Variants in DGKI observed in about 807,000 individuals in gnomAD.
DGKI encodes the protein DAG kinase iota.
DGKI carries 55 observed loss-of-function variants against 147.5 expected under a neutral mutation model. The ratio of observed to expected loss-of-function variants is 0.37; its 90% CI spans 0.30 to 0.47. The LOEUF is 0.47. DGKI is among the 20% of genes least tolerant of loss of function. The probability of loss-of-function intolerance (pLI) is 1.00; values close to 1 mark genes in which losing one functional copy is unlikely to be tolerated. For synonymous variants in DGKI, 469 were observed against 477.1 expected (o/e 0.98, Z 0.22); for missense variants, 1,007 against 1,323.8 (o/e 0.76, Z 3.71).
In DGKI at chr7:137,464,804, T is replaced by C. The variant is rs147936748; in HGVS notation, c.2612+1104A>G. On this transcript the variant is annotated intron_variant, in intron 26 of 32. Coordinates refer to ENST00000614521, the MANE Select transcript of DGKI (RefSeq NM_001321708.2). ...TTGCAGTTGTGCTAGCCTAGTGGAC[T>C]GTTTATTCATACTGTATGAGTCTGT... 8.5e-4 allele frequency among the ~76,000 whole-genome samples: 130 copies of C among 152,362 alleles called. 1 individual carries two copies. Among genetic ancestry groups the C allele is most frequent in the African/African-American group, 3.0e-3 (126 of 41,590 alleles).
intron 1 of DGKI, among the ~76,000 whole-genome samples, chr7:137,817,322 C>A (rs900469041): frequency 1.4e-4 from 21 of 152,144 alleles, no homozygotes; most frequent in Non-Finnish European, 1.0e-4. Flanking sequence ...AGGTGCTTGA[C>A]ACATACTCGG....
rs905516033 is a variant in DGKI, at chr7:137,745,305, G to A, written c.402-55303C>T. Among the ~76,000 whole-genome samples the A allele has an allele frequency of 3.3e-5, 5 of 152,120 alleles. 1 individual carries two copies. In the South Asian group the frequency reaches 1.0e-3, roughly 31 times the overall value. Reference sequence around the variant, plus strand: ...CTCTCTCCTCCTTGGGGAAGACTACGTCCAAAGAAATCACCCAGTATAAAA... The same window carrying A: ...CTCTCTCCTCCTTGGGGAAGACTACATCCAAAGAAATCACCCAGTATAAAA... On this transcript the variant is annotated intron_variant, in intron 1 of 32. Coordinates refer to ENST00000614521, the MANE Select transcript of DGKI (RefSeq NM_001321708.2).
intron 1 of DGKI, among the ~76,000 whole-genome samples, chr7:137,817,354 A>G (rs1378639519): frequency 6.6e-6 from 1 of 152,244 alleles, no homozygotes; most frequent in Non-Finnish European, 1.5e-5. Flanking sequence ...TATTTATTGA[A>G]TGAATTAACT....
intron 23 of DGKI, among the ~76,000 whole-genome samples, chr7:137,476,152 CAG>C (rs1815164086): frequency 1.3e-5 from 2 of 151,778 alleles, no homozygotes; most frequent in Non-Finnish European, 2.9e-5. Context: ...TCAAGTAGAA[CAG>C]GTAGCTCTTG....
chr7:137,591,205 T>C (rs894645763), intron 12 of DGKI, among the ~76,000 whole-genome samples: 1 of 152,232 alleles, frequency 6.6e-6, no homozygotes, highest in African/African-American at 2.4e-5. Context: ...GTAAAGGTGC[T>C]TCGCCTCTCA....
intron 21 of DGKI, among the ~76,000 whole-genome samples, chr7:137,498,937 A>G (rs1296949701): frequency 6.6e-6 from 1 of 152,150 alleles, no homozygotes; most frequent in East Asian, 1.9e-4. Flanking sequence ...CCTGCCAAGG[A>G]CTGCCCAGGA....
chr7:137,522,342 G>C lies in DGKI; in HGVS notation c.2148-376C>G, dbSNP rs145792845. Among the ~76,000 whole-genome samples, 31 of 152,134 alleles carry C rather than the reference G, an allele frequency of 2.0e-4. 1 individual carries two copies. In the East Asian group the frequency reaches 4.6e-3, roughly 23 times the overall value. On this transcript the variant is annotated intron_variant, in intron 20 of 32. Transcript: ENST00000614521. ...AGCTTTAAGAACCACAGGCAGATAT[G>C]CACATCACAGTAAGACATGGTCAGG...
In DGKI at chr7:137,829,374, C is replaced by T. The variant is rs151184733; in HGVS notation, c.401+17088G>A. The stretch of plus-strand genomic sequence containing the variant: ...CTTCTTAACTTGGGAAACTAGACTT[C>T]GTAATTCAAGAACTTCATCATTCAA... On this transcript the variant is annotated intron_variant, in intron 1 of 32. Coordinates refer to ENST00000614521, the MANE Select transcript of DGKI (RefSeq NM_001321708.2). Among the ~76,000 whole-genome samples, 86 of 152,308 alleles carry T rather than the reference C, an allele frequency of 5.6e-4. 1 individual carries two copies. The highest frequency in any genetic ancestry group is 6.8e-3 in the Middle Eastern group (2 of 294).
At chr7:137,775,323 C>T (rs1796331594) in intron 1 of DGKI, among the ~76,000 whole-genome samples, 1 of 152,174 alleles carries the variant, frequency 6.6e-6, no homozygotes, top group South Asian at 2.1e-4. Flanking sequence ...ATTCGATAGG[C>T]AGGCACTCAT....
chr7:137,432,689 C>T (rs1451307711), intron 28 of DGKI, among the ~76,000 whole-genome samples: 1 of 152,018 alleles, frequency 6.6e-6, no homozygotes, highest in Non-Finnish European at 1.5e-5. Flanking sequence ...CATGTAGAAC[C>T]AGGATGTGAA....
chr7:137,843,795 A>ACACACACACC lies in DGKI; in HGVS notation c.401+2666_401+2667insGGTGTGTGTG, dbSNP rs1554488531. Among the ~76,000 whole-genome samples, 31 of 141,904 alleles carry ACACACACACC rather than the reference A, an allele frequency of 2.2e-4. No individual in the cohort carries two copies. The East Asian group carries it at 2.6e-3, about 12-fold the overall frequency. The allele number at this position is 141,904 out of a possible 152,430, so 93.1% of individuals were successfully genotyped here. ...CACACACACACACACACACACACAC[A>ACACACACACC]CCCTCTCTCCCAAAGCCCCCTTCTT... On this transcript the variant is annotated intron_variant, in intron 1 of 32. Transcript: ENST00000614521.
intron 20 of DGKI, among the ~76,000 whole-genome samples, chr7:137,543,997 A>G (rs912513484): frequency 1.3e-5 from 2 of 152,194 alleles, no homozygotes; most frequent in Admixed American, 1.3e-4. Flanking sequence ...AATCTATGAC[A>G]TGTAATATTC....
intron 1 of DGKI, among the ~76,000 whole-genome samples, chr7:137,843,914 C>G (rs1383074961): frequency 6.6e-6 from 1 of 152,074 alleles, no homozygotes; most frequent in Non-Finnish European, 1.5e-5. Context: ...CTCAAATGAT[C>G]CCCCTCACGC....
At chr7:137,391,877 C>T (rs187108807) in intron 32 of DGKI, among the ~76,000 whole-genome samples, 2 of 152,244 alleles carry the variant, frequency 1.3e-5, no homozygotes, top group East Asian at 3.9e-4. Flanking sequence ...GCTATTTCAT[C>T]TCTCTAAAAA....
chr7:137,438,987 G>T (rs1813390038), intron 28 of DGKI, among the ~76,000 whole-genome samples: 1 of 152,028 alleles, frequency 6.6e-6, no homozygotes. Flanking sequence ...GAAGAAACAA[G>T]GACATGATTA....
At chr7:137,813,240 G>T (rs1470572348) in intron 1 of DGKI, among the ~76,000 whole-genome samples, 2 of 152,204 alleles carry the variant, frequency 1.3e-5, no homozygotes, top group Non-Finnish European at 2.9e-5. Context: ...ACTCTCGGGA[G>T]CATCACTTCT....
At chr7:137,402,666 C>G (rs1811803074) in intron 30 of DGKI, among the ~76,000 whole-genome samples, 1 of 152,178 alleles carries the variant, frequency 6.6e-6, no homozygotes, top group Non-Finnish European at 1.5e-5. Flanking sequence ...CTTCCCATGG[C>G]CTCTCTCTGG....
At chr7:137,828,196 G>A (rs1005504410) in intron 1 of DGKI, among the ~76,000 whole-genome samples, 11 of 152,122 alleles carry the variant, frequency 7.2e-5, no homozygotes, top group African/African-American at 2.7e-4. Flanking sequence ...GGCACATAGT[G>A]GCTATTTTTT....
Position 137,381,740 on chromosome 7 carries a change from GC to G in DGKI, c.*9479del, listed in dbSNP as rs1273153967. ...TAACTATTGGTAATTTTAAAAAACA[GC>G]CAAGCTAACCTTTGCTGAGACTATT... On this transcript the variant is annotated 3_prime_UTR_variant, in exon 33 of 33. Transcript: ENST00000614521. 1 of 151,968 alleles carries G rather than the reference GC, an allele frequency of 6.6e-6. No homozygotes were observed. Among genetic ancestry groups the G allele is most frequent in the African/African-American group, 2.4e-5 (1 of 41,376 alleles). The allele number at this position is 151,968 out of a possible 1,614,324, so 9.4% of individuals were successfully genotyped here. A position where few individuals can be genotyped will look rare whatever the true frequency, so the allele number is the denominator to read the frequency against.
Sources: gnomAD v4.1 joint callset for allele counts (sites outside exome capture counted in the v4.1 genomes callset) on GRCh38, gnomAD v4.1.1 for gene constraint, MANE v1.5 for transcripts, NCBI Gene and HGNC (gene_info 2026-07-23, HGNC 2026-07-21) for gene names.